The following CNNM1 variants were observed in gnomAD, a reference collection of about 807,000 sequenced individuals.
CNNM1 encodes the protein cyclin and CBS domain divalent metal cation transport mediator 1, also known as metal transporter CNNM1.
In CNNM1, 44 loss-of-function variants were observed where a neutral mutation model predicts 78.8. That is an observed-to-expected ratio of 0.56 (90% confidence interval 0.44 to 0.72). The LOEUF is 0.72. Among genes scored for constraint, CNNM1 ranks in the 30% least tolerant of loss-of-function variants. CNNM1 has a pLI of 0.00. For synonymous variants in CNNM1, 584 were observed against 581.5 expected (o/e 1.00, Z -0.06); for missense variants, 1,101 against 1,292.2 (o/e 0.85, Z 2.27).
intron 1 of CNNM1, among the ~76,000 whole-genome samples, chr10:99,353,271 T>C (rs1212439496): frequency 1.3e-5 from 2 of 152,038 alleles, no homozygotes; most frequent in East Asian, 3.9e-4. Flanking sequence ...AAATAGGATG[T>C]AGCATACCTG....
chr10:99,363,861 C>T (rs2031519463), intron 4 of CNNM1, among the ~76,000 whole-genome samples: 1 of 151,046 alleles, frequency 6.6e-6, no homozygotes, highest in South Asian at 2.1e-4. Context: ...TCTCCTGCCT[C>T]AGTCTCCTGA....
chr10:99,359,004 C>CAAAAAAAA (rs769541046), intron 2 of CNNM1, among the ~76,000 whole-genome samples: 7 of 51,516 alleles, frequency 1.4e-4, no homozygotes, highest in African/African-American at 2.8e-4. Context: ...AAGACTGTCT[C>CAAAAAAAA]AAAAAAAAAA....
chr10:99,353,333 A>G (rs2031015443), intron 1 of CNNM1, among the ~76,000 whole-genome samples: 1 of 152,204 alleles, frequency 6.6e-6, no homozygotes, highest in Non-Finnish European at 1.5e-5. Context: ...TCACATATAA[A>G]TAGAAAACAA....
Position 99,330,390 on chromosome 10 carries a change from G to T in CNNM1, c.1003G>T (p.Val335Leu), listed in dbSNP as rs1364242737. 1 of 1,594,358 alleles carries T rather than the reference G, an allele frequency of 6.3e-7. No homozygotes were observed. The highest frequency in any genetic ancestry group is 8.5e-7 in the Non-Finnish European group (1 of 1,171,568). ...WLPALVCTGA[V>L]FLGAEICPYS... ...GCCGGCGCTCGTGTGCACCGGCGCG[G>T]TATTCCTGGGCGCCGAAATCTGCCC... The change falls in exon 1 of 11, where the codon GTA becomes TTA. Residue 335 changes from valine (V) to leucine (L), a missense_variant. Around this residue, in one of 3 missense-constraint regions of CNNM1, gnomAD observed 476 missense variants for 484.5 expected, o/e 0.98. Transcript: ENST00000356713.
chr10:99,342,380 A>G (rs535002331), intron 1 of CNNM1, among the ~76,000 whole-genome samples: 1 of 152,170 alleles, frequency 6.6e-6, no homozygotes, highest in East Asian at 1.9e-4. Flanking sequence ...ACGAACAACT[A>G]TTTTTTCATG....
chr10:99,356,582 A>AAGAAAGAAAG (rs2031202497), intron 1 of CNNM1, among the ~76,000 whole-genome samples: 2 of 125,006 alleles, frequency 1.6e-5, no homozygotes, highest in African/African-American at 3.4e-5. Context: ...GAAAGAAAGA[A>AAGAAAGAAAG]AGAAAGAAAG....
At chr10:99,356,621 GA>G (rs1200081937) in intron 1 of CNNM1, among the ~76,000 whole-genome samples, 13 of 124,070 alleles carry the variant, frequency 1.0e-4, no homozygotes, top group East Asian at 9.4e-4. Flanking sequence ...AAGAAAGAAA[GA>G]AAAGAAAAGA....
At chr10:99,390,285 T>C in intron 9 of CNNM1, 21 bp from the exon 10 acceptor site, 1 of 1,578,390 alleles carries the variant, frequency 6.3e-7, no homozygotes, top group Non-Finnish European at 8.7e-7. Flanking sequence ...ACAACTTGAG[T>C]TCTCTCCTTT....
At chr10:99,360,161 A>C (rs1036448680) in intron 2 of CNNM1, among the ~76,000 whole-genome samples, 1 of 152,126 alleles carries the variant, frequency 6.6e-6, no homozygotes, top group African/African-American at 2.4e-5. Context: ...CTTCTTCCCT[A>C]TATTTCCCCT....
chr10:99,343,764 G>A (rs1359267461), intron 1 of CNNM1, among the ~76,000 whole-genome samples: 1 of 151,940 alleles, frequency 6.6e-6, no homozygotes, highest in Non-Finnish European at 1.5e-5. Flanking sequence ...GCCCAGGCTG[G>A]AGTGCCTTGG....
rs888385169 is a variant in CNNM1 at position 99,335,214 on chromosome 10, C to T, written c.1573+4254C>T. Among the ~76,000 whole-genome samples the T allele has an allele frequency of 5.9e-5, 9 of 152,146 alleles. 1 individual carries two copies. Among genetic ancestry groups the T allele is most frequent in the Admixed American group, 4.6e-4 (7 of 15,264 alleles). On this transcript the variant is annotated intron_variant, in intron 1 of 10. Transcript: ENST00000356713. ...CACTTGATAAAACATTTCTATATAC[C>T]TTCTCTTGTCCAATCTTAAACAACT...
chr10:99,358,844 C>T (rs1242907921), intron 2 of CNNM1, among the ~76,000 whole-genome samples: 1 of 151,728 alleles, frequency 6.6e-6, no homozygotes, highest in Non-Finnish European at 1.5e-5. Flanking sequence ...ACAAAAAATA[C>T]AACAGTTAGC....
intron 7 of CNNM1, among the ~76,000 whole-genome samples, chr10:99,378,942 C>T (rs1418535423): frequency 7.9e-5 from 12 of 152,162 alleles, no homozygotes; most frequent in Non-Finnish European, 5.9e-5. Context: ...CATATGACTG[C>T]GGACACTTAA....
intron 6 of CNNM1, among the ~76,000 whole-genome samples, chr10:99,365,742 C>T (rs1043569005): frequency 2.0e-5 from 3 of 152,194 alleles, no homozygotes; most frequent in Non-Finnish European, 4.4e-5. Context: ...GCATTGCTTT[C>T]AGCTGTTAGT....
Position 99,377,960 on chromosome 10 carries a change from C to CT in CNNM1, c.2340+763dup, listed in dbSNP as rs66722952. Among the ~76,000 whole-genome samples, 786 of 89,612 alleles carry CT rather than the reference C, an allele frequency of 8.8e-3. 30 individuals are homozygous for CT. Among genetic ancestry groups the CT allele is most frequent in the Admixed American group, 0.063 (538 of 8,542 alleles). 58.8% of individuals were successfully genotyped at this position (89,612 alleles called of 152,430 possible). On this transcript the variant is annotated intron_variant, in intron 7 of 10. Transcript: ENST00000356713. ...CCCTTTCCTCTTGTTTCCATAGGTTCTTTTTTTTTTTTTTTTTTTTTGAGA... is the reference window on the plus strand; with the variant it reads ...CCCTTTCCTCTTGTTTCCATAGGTTCTTTTTTTTTTTTTTTTTTTTTTGAGA...
intron 1 of CNNM1, among the ~76,000 whole-genome samples, chr10:99,342,950 A>C (rs1156455299): frequency 6.6e-6 from 1 of 152,034 alleles, no homozygotes; most frequent in East Asian, 1.9e-4. Flanking sequence ...ACCTAGTCCC[A>C]TCTTTTTTTT....
chr10:99,343,360 T>G (rs761962541), intron 1 of CNNM1, among the ~76,000 whole-genome samples: 6 of 152,222 alleles, frequency 3.9e-5, no homozygotes, highest in Non-Finnish European at 7.3e-5. Flanking sequence ...GTTATGTTTA[T>G]TTATTGGCAA....
chr10:99,391,001 G>T (rs182113574), intron 10 of CNNM1, among the ~76,000 whole-genome samples: 30 of 152,366 alleles, frequency 2.0e-4, no homozygotes, highest in African/African-American at 6.7e-4. Flanking sequence ...TTCAGAGCTA[G>T]AGAACGCAGG....
At position 99,387,748 on chromosome 10, in the gene CNNM1, G is replaced by A. The variant is rs1012327428; in HGVS notation, c.2341-72G>A. On this transcript the variant is annotated intron_variant, in intron 7 of 10. Transcript: ENST00000356713. ...AGCACCCCAGCGAGGCTGCCCCCGA[G>A]CCTGGGAAGGCTGGCTGCATCCGGG... The A allele has an allele frequency of 2.0e-5, 29 of 1,459,040 alleles. 1 individual carries two copies. In the South Asian group the frequency reaches 4.1e-4, roughly 21 times the overall value. 90.4% of individuals were successfully genotyped at this position (1,459,040 alleles called of 1,614,324 possible).
Sources: allele counts gnomAD v4.1 joint callset (sites outside exome capture counted in the v4.1 genomes callset), GRCh38; gene constraint gnomAD v4.1.1; regional missense constraint gnomAD v4.1.1; transcripts MANE v1.5; gene names NCBI Gene and HGNC (gene_info 2026-07-23, HGNC 2026-07-21).